The following CCPG1 variants were observed in gnomAD, a reference collection of about 807,000 sequenced individuals.
CCPG1 encodes the protein cell cycle progression 1.
CCPG1 carries 46 observed loss-of-function variants against 81.3 expected under a neutral mutation model. The observed-to-expected ratio is 0.57, with a 90% CI of 0.45 to 0.72. CCPG1 has a LOEUF of 0.72. Ranked by LOEUF, CCPG1 falls within the 30% of genes least tolerant of loss-of-function variation. The probability of loss-of-function intolerance (pLI) is 0.00; values close to 1 mark genes in which losing one functional copy is unlikely to be tolerated. For missense variants in CCPG1, 902 were observed against 937.6 expected (o/e 0.96, Z 0.50); for synonymous variants, 330 against 305.2 (o/e 1.08, Z -0.85).
At chr15:55,388,869 G>A (rs1595855891) in intron 2 of CCPG1, among the ~76,000 whole-genome samples, 1 of 151,646 alleles carries the variant, frequency 6.6e-6, no homozygotes, top group African/African-American at 2.4e-5. Context: ...AGGAGTTTAC[G>A]ATCAGCCTGG....
chr15:55,381,552 G>A (rs2056696112), intron 3 of CCPG1, among the ~76,000 whole-genome samples: 1 of 152,192 alleles, frequency 6.6e-6, no homozygotes, highest in South Asian at 2.1e-4. Flanking sequence ...CAAAAAAGAT[G>A]AGAATCACTT....
intron 4 of CCPG1, 121 bp from the exon 5 acceptor site, chr15:55,377,271 C>G (rs2056586273): frequency 1.4e-6 from 1 of 693,304 alleles, no homozygotes; most frequent in Admixed American, 2.9e-5. Context: ...GATATGATTC[C>G]TACTATTAGT....
At chr15:55,398,588 CTTTTTTTT>C (rs879725182) in intron 1 of CCPG1, among the ~76,000 whole-genome samples, 1 of 146,898 alleles carries the variant, frequency 6.8e-6, no homozygotes, top group Non-Finnish European at 1.5e-5. Context: ...CTAATGAAAA[CTTTTTTTT>C]TTTTGAGACA....
chr15:55,368,861 C>T (rs149624436), intron 6 of CCPG1, among the ~76,000 whole-genome samples: 6,410 of 152,216 alleles, frequency 0.042, 467 homozygotes, highest in African/African-American at 0.15. Context: ...CCTATAATCC[C>T]AGCACTTTGG....
chr15:55,365,076 A>C, intron 7 of CCPG1, 112 bp downstream of exon 7: 1 of 654,688 alleles, frequency 1.5e-6, no homozygotes, highest in South Asian at 2.1e-5. Context: ...CAATTCAACA[A>C]TGATCAGCAT....
intron 3 of CCPG1, among the ~76,000 whole-genome samples, chr15:55,384,761 G>C (rs563589940): frequency 2.6e-5 from 4 of 152,238 alleles, no homozygotes; most frequent in Admixed American, 1.3e-4. Context: ...GGCATTAATA[G>C]ACTTGCTCAA....
At chr15:55,388,747 G>A (rs1192096906) in intron 2 of CCPG1, among the ~76,000 whole-genome samples, 4 of 150,374 alleles carry the variant, frequency 2.7e-5, no homozygotes, top group Non-Finnish European at 5.9e-5. Flanking sequence ...CTGGGCAACA[G>A]AGCAAGATCC....
Position 55,371,908 on chromosome 15 carries a change from T to C in CCPG1, c.591A>G (p.Glu197=). ...ASESEDRLVA[E]QETEPSKELS... ...ACTCCTTAGAAGGTTCAGTTTCTTG[T>C]TCAGCAACTAGCCGGTCTTCAGATT... Residue 197 remains glutamate (E), a synonymous_variant, in exon 6 of 9, where the codon GAA becomes GAG. Coordinates refer to ENST00000442196, the MANE Select transcript of CCPG1 (RefSeq NM_001204450.2). The C allele has an allele frequency of 6.2e-7, 1 of 1,614,200 alleles. No individual in the cohort carries two copies.
intron 6 of CCPG1, 110 bp from the exon 7 acceptor site, chr15:55,365,419 G>GTTTTTTTTTTGTTTTTTTT (rs2056303054): frequency 2.2e-6 from 1 of 446,370 alleles, no homozygotes; most frequent in Non-Finnish European, 3.6e-6. Flanking sequence ...TCTTTTTTTT[G>GTTTTTTTTTTGTTTTTTTT]TTTTTTTTTT....
intron 2 of CCPG1, 150 bp downstream of exon 2, chr15:55,389,215 T>C (rs765026437): frequency 1.7e-4 from 107 of 615,752 alleles, no homozygotes; most frequent in Admixed American, 9.6e-4. Context: ...ATGAAGCGTT[T>C]TCAGCAGTGA....
At chr15:55,391,647 G>A (rs113746974) in intron 1 of CCPG1, among the ~76,000 whole-genome samples, 1 of 152,186 alleles carries the variant, frequency 6.6e-6, no homozygotes, top group African/African-American at 2.4e-5. Context: ...ATTTTTTAAA[G>A]TAAATTAACA....
chr15:55,357,274 T>C (rs2056099279), intron 8 of CCPG1: 7 of 975,424 alleles, frequency 7.2e-6, no homozygotes, highest in Non-Finnish European at 8.5e-6. Context: ...GAAGTCACTG[T>C]TACTTTCTAC....
chr15:55,357,244 T>G (rs1282140021), intron 8 of CCPG1: 5 of 846,440 alleles, frequency 5.9e-6, no homozygotes, highest in African/African-American at 2.0e-5. Flanking sequence ...TCCAACAAGA[T>G]GACCCAACCC....
chr15:55,363,374 A>G (rs1402118497), intron 7 of CCPG1, among the ~76,000 whole-genome samples: 1 of 138,266 alleles, frequency 7.2e-6, no homozygotes, highest in Non-Finnish European at 1.7e-5. Context: ...AAAACAAAAA[A>G]AAAACCCAAA....
chr15:55,385,557 T>C (rs1357993924), intron 3 of CCPG1, 43 bp downstream of exon 3: 2 of 977,114 alleles, frequency 2.0e-6, no homozygotes, highest in South Asian at 1.6e-5. Context: ...ATATCACTCA[T>C]ATATCATATT....
intron 2 of CCPG1, among the ~76,000 whole-genome samples, chr15:55,386,105 T>G (rs992812197): frequency 4.0e-5 from 6 of 151,182 alleles, no homozygotes; most frequent in African/African-American, 1.5e-4. Context: ...AAAATTCAAA[T>G]CTGGCTGGGC....
intron 3 of CCPG1, among the ~76,000 whole-genome samples, chr15:55,380,997 C>A (rs1226026137): frequency 1.3e-5 from 2 of 151,562 alleles, no homozygotes; most frequent in Non-Finnish European, 2.9e-5. Context: ...ATTAGCCGAG[C>A]GTGGTGGTGG....
At position 55,356,174 on chromosome 15, in the gene CCPG1, G is replaced by A. The variant is rs187750421; in HGVS notation, c.*46C>T. 26 of 1,383,786 alleles carry A rather than the reference G, an allele frequency of 1.9e-5. No individual in the cohort carries two copies. The East Asian group carries it at 6.0e-4, about 32-fold the overall frequency. 85.7% of individuals were successfully genotyped at this position (1,383,786 alleles called of 1,614,324 possible). ...GTTTCAATACCAAACATTATACAAA[G>A]CATAAATTTTTCTCTTACAGTTGTC... On this transcript the variant is annotated 3_prime_UTR_variant, in exon 9 of 9. Transcript: ENST00000442196.
At chr15:55,384,184 G>A (rs1377968816) in intron 3 of CCPG1, among the ~76,000 whole-genome samples, 2 of 152,162 alleles carry the variant, frequency 1.3e-5, no homozygotes, top group South Asian at 2.1e-4. Flanking sequence ...GAGGCCAAAG[G>A]AGAGGGAGAG....
Sources: allele counts gnomAD v4.1 joint callset (sites outside exome capture counted in the v4.1 genomes callset), GRCh38; gene constraint gnomAD v4.1.1; transcripts MANE v1.5; gene names NCBI Gene and HGNC (gene_info 2026-07-23, HGNC 2026-07-21).